The following PKD1L1 variants were observed in gnomAD, a reference collection of about 807,000 sequenced individuals.
PKD1L1 encodes polycystin-1-like protein 1.
In PKD1L1, 236 loss-of-function variants were observed where a neutral mutation model predicts 323.4. The ratio of observed to expected loss-of-function variants is 0.73; its 90% CI spans 0.66 to 0.81. PKD1L1 has a LOEUF of 0.81. Ranked by LOEUF, PKD1L1 falls within the 40% of genes least tolerant of loss-of-function variation. PKD1L1 has a pLI of 0.00. For missense variants in PKD1L1, 3,320 were observed against 3,508.0 expected (o/e 0.95, Z 1.35); for synonymous variants, 1,344 against 1,335.0 (o/e 1.01, Z -0.15).
rs1218826461 is a variant in PKD1L1, at chr7:47,837,619, C to CTATG, written c.5770-526_5770-525insCATA. Among the ~76,000 whole-genome samples, 5 of 152,284 alleles carry CTATG rather than the reference C, an allele frequency of 3.3e-5. No individual in the cohort carries two copies. In the East Asian group the frequency reaches 9.7e-4, roughly 29 times the overall value. Reference sequence around the variant, plus strand: ...TTCAAAAACCCCTCCACTCTCAGAACTTTCCCTGGCAACATAGTTAATTTC... The same window carrying CTATG: ...TTCAAAAACCCCTCCACTCTCAGAACTATGTTTCCCTGGCAACATAGTTAATTTC... On this transcript the variant is annotated intron_variant, in intron 36 of 56. Transcript: ENST00000289672.
At chr7:47,865,568 ATTATT>A (rs376413474) in intron 25 of PKD1L1, among the ~76,000 whole-genome samples, 180 of 140,580 alleles carry the variant, frequency 1.3e-3, no homozygotes, top group South Asian at 9.6e-3. Context: ...CAATTTATTT[ATTATT>A]TTATTTTATT....
the PKD1L1 span, among the ~76,000 whole-genome samples, chr7:47,959,301 AG>A: frequency 6.7e-6 from 1 of 149,108 alleles, no homozygotes; most frequent in Non-Finnish European, 1.5e-5. Context: ...GGATGTGAGG[AG>A]CCCCTCTGCC....
At position 47,902,465 on chromosome 7, in the gene PKD1L1, C is replaced by T; in HGVS notation, c.1978G>A (p.Ala660Thr). ...VEVLAFNNVS[A>T]STLRQQLFIV... is the part of the protein sequence containing the mutation. ...AAAAGTTGCTGTCTTAGAGTGGAGG[C>T]ACTGACATTATTGAAGGCAAGGACC... is the stretch of plus-strand genomic sequence containing the variant. Residue 660 changes from alanine to threonine, a missense_variant, in exon 13 of 57, where the codon GCC becomes ACC. By Grantham distance (58) the Ala-to-Thr change is moderately conservative (BLOSUM62 0). Coordinates refer to ENST00000289672, the MANE Select transcript of PKD1L1 (RefSeq NM_138295.5). 6.2e-7 allele frequency: 1 copy of T among 1,614,102 alleles called. No individual in the cohort carries two copies. The highest frequency in any genetic ancestry group is 1.7e-5 in the Admixed American group (1 of 60,030).
In PKD1L1 at chr7:47,843,047, A is replaced by C; in HGVS notation, c.5360T>G (p.Leu1787Arg). Residue 1787 changes from leucine (L) to arginine (R), a missense_variant, in exon 34 of 57, where the codon CTG (leucine) becomes CGG (arginine). Physicochemically the swap from Leu to Arg is moderately radical, Grantham distance 102. Transcript: ENST00000289672. ...HEKKKAGYIF[L>R]QEASLPGHQL... ...ATGGCCCGGCAGGGAAGCTTCTTGC[A>C]GAAAGATGTAACCAGCTTTCTTTTT... is the stretch of plus-strand genomic sequence containing the variant. 1 of 1,614,048 alleles carries C rather than the reference A, an allele frequency of 6.2e-7. No homozygotes were observed. The highest frequency in any genetic ancestry group is 8.5e-7 in the Non-Finnish European group (1 of 1,179,932).
chr7:47,800,874 C>G lies in PKD1L1; in HGVS notation c.7968G>C (p.Val2656=), dbSNP rs1784647106. The change falls in exon 54 of 57, where the codon GTG becomes GTC. Residue 2656 remains valine, a synonymous_variant. Coordinates refer to ENST00000289672, the MANE Select transcript of PKD1L1 (RefSeq NM_138295.5). Reference sequence around the variant, plus strand: ...AGAGGGCGGCCAGCATCAGTGCCCCCACCAGCTGCAGAAAGAAAATCCAGA... The same window carrying G: ...AGAGGGCGGCCAGCATCAGTGCCCCGACCAGCTGCAGAAAGAAAATCCAGA... ...SLPSIFVAGL[V]GALMLAALSH... 6.2e-7 allele frequency: 1 copy of G among 1,613,694 alleles called. No homozygotes were observed. The highest frequency in any genetic ancestry group is 8.5e-7 in the Non-Finnish European group (1 of 1,179,706).
rs1472438828 is a variant in PKD1L1, at chr7:47,904,597, G to A, written c.1712C>T (p.Ala571Val). 3 of 1,613,332 alleles carry A rather than the reference G, an allele frequency of 1.9e-6. No homozygotes were observed. In the Admixed American group the frequency reaches 5.0e-5, roughly 27 times the overall value. The change falls in exon 12 of 57, where the codon GCT becomes GTT. Residue 571 changes from alanine to valine, a missense_variant. Physicochemically the swap from Ala to Val is moderately conservative, Grantham distance 64 (BLOSUM62 0). Transcript: ENST00000289672. ...IPQWYRVMVK[A>V]SNRMSSVVSE... is the part of the protein sequence containing the mutation. The stretch of plus-strand genomic sequence containing the variant: ...GACCACACTGCTCATCCTGTTGGAA[G>A]CCTTAACCATCACACGATACCTGCA...
intron 40 of PKD1L1, 25 bp from the exon 41 acceptor site, chr7:47,833,277 G>A: frequency 1.2e-6 from 2 of 1,607,122 alleles, no homozygotes; most frequent in Non-Finnish European, 1.7e-6. Context: ...TCATGCCAAG[G>A]TTAATATCTC....
chr7:47,928,678 T>A (rs1787700833), intron 7 of PKD1L1, among the ~76,000 whole-genome samples: 1 of 152,136 alleles, frequency 6.6e-6, no homozygotes, highest in Admixed American at 6.5e-5. Context: ...CCAATCATCA[T>A]CTCTAGGGGT....
At position 47,936,857 on chromosome 7, in the gene PKD1L1, G is replaced by A. The variant is rs770159431; in HGVS notation, c.387C>T (p.Asn129=). ...EKTQAPLDCD[N]SADRIPHKPF... is the part of the protein sequence containing the mutation. ...GTACATTGACATACCTATCAGCACT[G>A]TTATCACAATCCAGAGGCGCCTGTG... The change falls in exon 4 of 57, where the codon AAC becomes AAT. Residue 129 remains asparagine (N), a synonymous_variant. Transcript: ENST00000289672. The A allele has an allele frequency of 3.7e-6, 6 of 1,612,340 alleles. No homozygotes were observed. Among genetic ancestry groups the A allele is most frequent in the Admixed American group, 1.7e-5 (1 of 59,738 alleles).
chr7:47,935,365 A>G (rs1484891564), intron 4 of PKD1L1, among the ~76,000 whole-genome samples: 1 of 152,112 alleles, frequency 6.6e-6, no homozygotes, highest in Non-Finnish European at 1.5e-5. Context: ...TGGATGCTAC[A>G]CAGGGCCTCA....
chr7:47,818,284 G>T (rs1054599536), intron 46 of PKD1L1: 3 of 1,056,934 alleles, frequency 2.8e-6, no homozygotes, highest in Non-Finnish European at 3.7e-6. Context: ...AGGGCGGGAG[G>T]GTAGGAAAGA....
rs1787876950 is a variant in PKD1L1 at position 47,936,873 on chromosome 7, G to A, written c.371C>T (p.Pro124Leu). The change falls in exon 4 of 57, where the codon CCT (proline) becomes CTT (leucine). Residue 124 changes from proline to leucine, a missense_variant. Coordinates refer to ENST00000289672, the MANE Select transcript of PKD1L1 (RefSeq NM_138295.5). The part of the protein sequence containing the change: ...QAVVNEKTQA[P>L]LDCDNSADRI... ...ATCAGCACTGTTATCACAATCCAGA[G>A]GCGCCTGTGTTTTTTCATTAACAAC... 5 of 1,613,564 alleles carry A rather than the reference G, an allele frequency of 3.1e-6. No homozygotes were observed. Among genetic ancestry groups the A allele is most frequent in the Non-Finnish European group, 4.2e-6 (5 of 1,179,918 alleles).
intron 56 of PKD1L1, among the ~76,000 whole-genome samples, chr7:47,789,664 A>T (rs1551276): frequency 0.7 from 106,663 of 152,020 alleles, 37,632 homozygotes; most frequent in Middle Eastern, 0.73. Flanking sequence ...ATACCATGGG[A>T]TTTCGTCTGT....
chr7:47,877,237 CTGGT>C (rs1786426781), intron 22 of PKD1L1, among the ~76,000 whole-genome samples: 2 of 152,188 alleles, frequency 1.3e-5, no homozygotes, highest in Non-Finnish European at 2.9e-5. Flanking sequence ...CAGACGACTC[CTGGT>C]GAGCAGGCCC....
chr7:47,907,114 G>C (rs1010740048), intron 9 of PKD1L1, among the ~76,000 whole-genome samples: 14 of 152,166 alleles, frequency 9.2e-5, no homozygotes, highest in African/African-American at 2.7e-4. Flanking sequence ...AGTTAGGGTA[G>C]GCAAACAGGT....
the PKD1L1 span, among the ~76,000 whole-genome samples, chr7:47,957,663 CT>C: frequency 6.6e-6 from 1 of 151,946 alleles, no homozygotes; most frequent in Non-Finnish European, 1.5e-5. Flanking sequence ...ACCTGGCTAA[CT>C]TTTGTATTTT....
Position 47,846,919 on chromosome 7 carries a change from A to G in PKD1L1, c.5113T>C (p.Ser1705Pro), listed in dbSNP as rs2128739580. 6.2e-7 allele frequency: 1 copy of G among 1,613,220 alleles called. No homozygotes were observed. The highest frequency in any genetic ancestry group is 8.5e-7 in the Non-Finnish European group (1 of 1,179,752). The change falls in exon 32 of 57, where the codon TCT becomes CCT. Residue 1705 changes from serine to proline, a missense_variant. Physicochemically the swap from Ser to Pro is moderately conservative, Grantham distance 74 (BLOSUM62 -1). Coordinates refer to ENST00000289672, the MANE Select transcript of PKD1L1 (RefSeq NM_138295.5). ...TCAGGAGAAGTCCCTGGTTGTGGAGAGAAACGTTCAGATTTCCACTCTCTC... is the reference window on the plus strand; with the variant it reads ...TCAGGAGAAGTCCCTGGTTGTGGAGGGAAACGTTCAGATTTCCACTCTCTC... Reference protein sequence around the residue: ...DKREWKSERFSPQPGTSPEKV... With the variant: ...DKREWKSERFPPQPGTSPEKV...
the PKD1L1 span, among the ~76,000 whole-genome samples, chr7:47,959,812 G>A: frequency 4.0e-5 from 6 of 148,808 alleles, no homozygotes; most frequent in African/African-American, 1.2e-4. Flanking sequence ...CTGCCCGGCC[G>A]CCCCTACTGG....
chr7:47,912,925 G>A (rs1787353765), intron 8 of PKD1L1, among the ~76,000 whole-genome samples: 1 of 151,972 alleles, frequency 6.6e-6, no homozygotes, highest in South Asian at 2.1e-4. Flanking sequence ...TCACCACAAG[G>A]TAAGAAAGAC....
Sources: gnomAD v4.1 joint callset for allele counts (sites outside exome capture counted in the v4.1 genomes callset) on GRCh38, gnomAD v4.1.1 for gene constraint, MANE v1.5 for transcripts, NCBI Gene and HGNC (gene_info 2026-07-23, HGNC 2026-07-21) for gene names.